Variants in ZNF804A observed in about 807,000 individuals in gnomAD.
The protein encoded by ZNF804A is zinc finger protein 804A.
Under a neutral mutation model 16.5 loss-of-function variants are expected in ZNF804A, and 2 were observed. That is an observed-to-expected ratio of 0.12 (90% confidence interval 0.05 to 0.38). The LOEUF is 0.38. ZNF804A is among the 10% of genes least tolerant of loss of function. The pLI is 0.99. For synonymous variants in ZNF804A, 534 were observed against 489.6 expected, an observed-to-expected ratio of 1.09 and a Z score of -1.20; for missense variants, 1,473 against 1,390.7, an observed-to-expected ratio of 1.06 and a Z score of -0.94.
intron 1 of ZNF804A, among the ~76,000 whole-genome samples, chr2:184,744,234 T>C (rs1693752701): frequency 6.6e-6 from 1 of 151,904 alleles, no homozygotes; most frequent in Non-Finnish European, 1.5e-5. Context: ...TTATAACTCA[T>C]AGATTATTAC....
At chr2:184,775,056 A>G (rs778541294) in intron 1 of ZNF804A, among the ~76,000 whole-genome samples, 3 of 151,702 alleles carry the variant, frequency 2.0e-5, no homozygotes, top group Admixed American at 6.6e-5. Context: ...TAATTTTGAG[A>G]TGGTTATCAT....
intron 1 of ZNF804A, among the ~76,000 whole-genome samples, chr2:184,641,233 G>A (rs1691791333): frequency 6.6e-6 from 1 of 152,142 alleles, no homozygotes; most frequent in South Asian, 2.1e-4. Context: ...TTACAGGTGT[G>A]AGCCATCATA....
In ZNF804A at chr2:184,938,050, A is replaced by G. The variant is rs951814750; in HGVS notation, c.2654A>G (p.Asn885Ser). 4.3e-6 allele frequency: 7 copies of G among 1,613,974 alleles called. No homozygotes were observed. The highest frequency in any genetic ancestry group is 5.1e-6 in the Non-Finnish European group (6 of 1,180,004). ...AACAAACTGTCTTTCCACCCTAACAATCTCCTTCCTTCTGAAACCAATGGT... is the reference window on the plus strand; with the variant it reads ...AACAAACTGTCTTTCCACCCTAACAGTCTCCTTCCTTCTGAAACCAATGGT... ...LRNKLSFHPNNLLPSETNGET... is the reference protein window; with the variant it reads ...LRNKLSFHPNSLLPSETNGET... Residue 885 changes from asparagine to serine, a missense_variant, in exon 4 of 4, where the codon AAT (asparagine) becomes AGT (serine). Asn to Ser is a conservative substitution (Grantham distance 46). Coordinates refer to ENST00000302277, the MANE Select transcript of ZNF804A (RefSeq NM_194250.2).
intron 1 of ZNF804A, among the ~76,000 whole-genome samples, chr2:184,790,966 C>G: frequency 6.6e-6 from 1 of 152,116 alleles, no homozygotes; most frequent in African/African-American, 2.4e-5. Context: ...GATATAAAGT[C>G]TGTTTTATCT....
intron 1 of ZNF804A, among the ~76,000 whole-genome samples, chr2:184,649,214 A>T (rs1032500370): frequency 1.1e-4 from 17 of 152,262 alleles, no homozygotes; most frequent in African/African-American, 3.1e-4. Context: ...CAGAATTTTT[A>T]AAAAAATCTT....
At chr2:184,627,989 A>G (rs927565450) in intron 1 of ZNF804A, among the ~76,000 whole-genome samples, 3 of 152,210 alleles carry the variant, frequency 2.0e-5, no homozygotes, top group Non-Finnish European at 4.4e-5. Flanking sequence ...CAATGGGAAC[A>G]AAAGAACAAA....
In ZNF804A at chr2:184,745,744, T is replaced by C. The variant is rs1332873281; in HGVS notation, c.112-120625T>C. Among the ~76,000 whole-genome samples the C allele has an allele frequency of 2.0e-5, 3 of 151,760 alleles. No individual in the cohort carries two copies. The East Asian group carries it at 5.8e-4, about 29-fold the overall frequency. On this transcript the variant is annotated intron_variant, in intron 1 of 3. Transcript: ENST00000302277. Reference sequence around the variant, plus strand: ...CTGAAGTGAAAAAAAAAAGATTACTTGGATTATTACTACTTATGGGCAAAA... The same window carrying C: ...CTGAAGTGAAAAAAAAAAGATTACTCGGATTATTACTACTTATGGGCAAAA...
Position 184,866,433 on chromosome 2 carries a change from G to A in ZNF804A, c.176G>A (p.Cys59Tyr). 1.2e-6 allele frequency: 2 copies of A among 1,613,244 alleles called. No individual in the cohort carries two copies. The highest frequency in any genetic ancestry group is 1.7e-6 in the Non-Finnish European group (2 of 1,179,564). ...GAAGATCTGAAGGCAAATTTTTACT[G>A]TGAACTCTGTGACAAGCAGTACTAT... ...ALEDLKANFY[C>Y]ELCDKQYYKH... The change falls in exon 2 of 4, where the codon TGT (cysteine) becomes TAT (tyrosine). Residue 59 changes from cysteine to tyrosine, a missense_variant. Transcript: ENST00000302277.
In ZNF804A at chr2:184,840,052, A is replaced by G. The variant is rs183433762; in HGVS notation, c.112-26317A>G. On this transcript the variant is annotated intron_variant, in intron 1 of 3. Coordinates refer to ENST00000302277, the MANE Select transcript of ZNF804A (RefSeq NM_194250.2). ...ATAGACTCTTTAGATAAACCCATTG[A>G]AAGCTACTTCTCTAAGCTATGAATG... Among the ~76,000 whole-genome samples the G allele has an allele frequency of 5.8e-4, 89 of 152,266 alleles. No individual in the cohort carries two copies. In the East Asian group the frequency reaches 0.016, roughly 27 times the overall value.
chr2:184,904,131 A>G (rs1685232206), intron 2 of ZNF804A, among the ~76,000 whole-genome samples: 1 of 152,114 alleles, frequency 6.6e-6, no homozygotes, highest in Non-Finnish European at 1.5e-5. Context: ...ACCATCAAAA[A>G]GAATGAAATA....
chr2:184,787,218 T>C (rs1172775170), intron 1 of ZNF804A, among the ~76,000 whole-genome samples: 1 of 152,028 alleles, frequency 6.6e-6, no homozygotes, highest in Non-Finnish European at 1.5e-5. Context: ...CAATGTTTGA[T>C]ATTCTGCTTC....
intron 1 of ZNF804A, among the ~76,000 whole-genome samples, chr2:184,703,033 T>A (rs1274902116): frequency 6.6e-6 from 1 of 152,212 alleles, no homozygotes; most frequent in Non-Finnish European, 1.5e-5. Flanking sequence ...CTGGCTTCTT[T>A]TGTTTTTTGC....
chr2:184,693,908 C>T (rs1692775053), intron 1 of ZNF804A, among the ~76,000 whole-genome samples: 1 of 147,620 alleles, frequency 6.8e-6, no homozygotes, highest in African/African-American at 2.5e-5. Context: ...AAAAAAAAAT[C>T]GATGATGCAA....
At chr2:184,850,863 G>T (rs1486756916) in intron 1 of ZNF804A, among the ~76,000 whole-genome samples, 9 of 151,672 alleles carry the variant, frequency 5.9e-5, no homozygotes, top group Admixed American at 5.3e-4. Context: ...TAGTAGAAAT[G>T]CAAGGATGTA....
chr2:184,728,937 C>T (rs1357913399), intron 1 of ZNF804A, among the ~76,000 whole-genome samples: 1 of 151,832 alleles, frequency 6.6e-6, no homozygotes, highest in Non-Finnish European at 1.5e-5. Context: ...ATAAGCCAAG[C>T]TCATAAAAAC....
At chr2:184,909,911 C>G (rs1196260522) in intron 2 of ZNF804A, among the ~76,000 whole-genome samples, 1 of 151,922 alleles carries the variant, frequency 6.6e-6, no homozygotes, top group Admixed American at 6.6e-5. Flanking sequence ...ATTTTTTAAA[C>G]AAAAGAGGAA....
chr2:184,683,049 A>T (rs540383745), intron 1 of ZNF804A, among the ~76,000 whole-genome samples: 1 of 152,328 alleles, frequency 6.6e-6, no homozygotes, highest in South Asian at 2.1e-4. Context: ...AAATAAAATA[A>T]AATAAAAACA....
chr2:184,899,963 C>T (rs1157136394), intron 2 of ZNF804A, among the ~76,000 whole-genome samples: 1 of 151,762 alleles, frequency 6.6e-6, no homozygotes, highest in African/African-American at 2.4e-5. Context: ...GCTAGTTCAA[C>T]CCATCTTCAA....
At chr2:184,691,884 A>G (rs1692736178) in intron 1 of ZNF804A, among the ~76,000 whole-genome samples, 1 of 152,132 alleles carries the variant, frequency 6.6e-6, no homozygotes, top group African/African-American at 2.4e-5. Context: ...ACTGGAACAG[A>G]TTAAAACACA....
Sources: gnomAD v4.1 joint callset for allele counts (sites outside exome capture counted in the v4.1 genomes callset) on GRCh38, gnomAD v4.1.1 for gene constraint, MANE v1.5 for transcripts, NCBI Gene and HGNC (gene_info 2026-07-23, HGNC 2026-07-21) for gene names.